SPAG16: variants seen among roughly 807,000 people sequenced by gnomAD.
The protein encoded by SPAG16 is sperm-associated antigen 16 protein.
Under a neutral mutation model 80.4 loss-of-function variants are expected in SPAG16, and 86 were observed. The observed-to-expected ratio is 1.07, with a 90% CI of 0.90 to 1.28. SPAG16 has a LOEUF of 1.28. Ranked by LOEUF, SPAG16 falls within the 50% of genes most tolerant of loss-of-function variation. SPAG16 has a pLI of 0.00. For synonymous variants in SPAG16, 294 were observed against 265.9 expected, an observed-to-expected ratio of 1.11 and a Z score of -1.03; for missense variants, 870 against 765.3, an observed-to-expected ratio of 1.14 and a Z score of -1.61.
At chr2:213,979,232 A>G (rs2045570697) in intron 12 of SPAG16, among the ~76,000 whole-genome samples, 1 of 151,814 alleles carries the variant, frequency 6.6e-6, no homozygotes, top group African/African-American at 2.4e-5. Context: ...CCAATTAGTC[A>G]TGTCTCTCTT....
At position 214,374,812 on chromosome 2, in the gene SPAG16, T is replaced by C. The variant is rs141562371; in HGVS notation, c.1721-35328T>C. Among the ~76,000 whole-genome samples, 354 of 152,256 alleles carry C rather than the reference T, an allele frequency of 2.3e-3. 2 individuals carry two copies. Among genetic ancestry groups the C allele is most frequent in the African/African-American group, 8.2e-3 (341 of 41,564 alleles). On this transcript the variant is annotated intron_variant, in intron 15 of 15. Coordinates refer to ENST00000331683, the MANE Select transcript of SPAG16 (RefSeq NM_024532.5). ...GATTAACTAAAACATCACAAAATCA[T>C]TTAGCTCATTAGATGGTTTTTAATA...
rs1490897523 is a variant in SPAG16, at chr2:214,013,969, T to G, written c.1419T>G (p.Thr473=). The G allele has an allele frequency of 6.2e-7, 1 of 1,613,318 alleles. No individual in the cohort carries two copies. The highest frequency in any genetic ancestry group is 1.7e-4 in the Middle Eastern group (1 of 6,050). Residue 473 remains threonine, a synonymous_variant, in exon 13 of 16, where the codon ACT becomes ACG. Coordinates refer to ENST00000331683, the MANE Select transcript of SPAG16 (RefSeq NM_024532.5). ...WDVNSERCRC[T]LYGHTDSVNS... is the part of the protein sequence containing the mutation. ...TTTATAGTGAAAGATGCAGATGTAC[T>G]TTGTATGGACATACAGATTCTGTGA...
intron 13 of SPAG16, among the ~76,000 whole-genome samples, chr2:214,107,306 G>C (rs934796993): frequency 6.6e-5 from 10 of 152,264 alleles, no homozygotes; most frequent in African/African-American, 2.2e-4. Flanking sequence ...ACCTAGAATT[G>C]TGCCGACAAA....
At chr2:214,327,635 C>T (rs893832527) in intron 15 of SPAG16, among the ~76,000 whole-genome samples, 1 of 151,856 alleles carries the variant, frequency 6.6e-6, no homozygotes, top group Non-Finnish European at 1.5e-5. Context: ...TTTTTAAGTG[C>T]AATTCAAACT....
intron 10 of SPAG16, among the ~76,000 whole-genome samples, chr2:213,725,428 T>C (rs973194032): frequency 6.6e-6 from 1 of 152,304 alleles, no homozygotes; most frequent in Non-Finnish European, 1.5e-5. Flanking sequence ...AAATTCATCA[T>C]CATGGAATGC....
At chr2:213,797,051 TA>T (rs71063780) in intron 10 of SPAG16, among the ~76,000 whole-genome samples, 90,486 of 149,084 alleles carry the variant, frequency 0.61, 29,266 homozygotes, top group South Asian at 0.86. Context: ...AAATTAAAAT[TA>T]AAAAAAAAAA....
chr2:213,439,303 G>T (rs551032350), intron 9 of SPAG16, among the ~76,000 whole-genome samples: 7 of 152,324 alleles, frequency 4.6e-5, no homozygotes, highest in African/African-American at 1.4e-4. Context: ...TTTGGAACCA[G>T]GCAGTCTGTG....
chr2:213,381,560 A>G (rs2067173559), intron 9 of SPAG16, among the ~76,000 whole-genome samples: 1 of 152,190 alleles, frequency 6.6e-6, no homozygotes, highest in African/African-American at 2.4e-5. Flanking sequence ...TTCATCTTTA[A>G]CACAAGGCTA....
At chr2:214,392,680 G>C (rs1476897404) in intron 15 of SPAG16, among the ~76,000 whole-genome samples, 1 of 133,572 alleles carries the variant, frequency 7.5e-6, no homozygotes, top group African/African-American at 2.8e-5. Context: ...CAGGTAGATA[G>C]AAAACCAACC....
At chr2:214,337,171 A>AT (rs1697355365) in intron 15 of SPAG16, among the ~76,000 whole-genome samples, 2 of 151,914 alleles carry the variant, frequency 1.3e-5, no homozygotes, top group African/African-American at 2.4e-5. Context: ...GTCCAAACTA[A>AT]TTTTTTCTCT....
intron 9 of SPAG16, among the ~76,000 whole-genome samples, chr2:213,375,806 T>A (rs967616128): frequency 3.3e-5 from 5 of 151,840 alleles, no homozygotes; most frequent in African/African-American, 1.2e-4. Flanking sequence ...TTATAATAGC[T>A]TCTTAGTAAT....
intron 15 of SPAG16, among the ~76,000 whole-genome samples, chr2:214,268,329 G>A (rs545254332): frequency 6.6e-6 from 1 of 151,980 alleles, no homozygotes; most frequent in South Asian, 2.1e-4. Context: ...AAATCAGTAT[G>A]TTGAAGAGTT....
intron 15 of SPAG16, among the ~76,000 whole-genome samples, chr2:214,198,012 AAATC>A (rs2057896150): frequency 6.6e-6 from 1 of 152,100 alleles, no homozygotes. Context: ...CTCCACAAAT[AAATC>A]GTGTATAATC....
intron 12 of SPAG16, among the ~76,000 whole-genome samples, chr2:213,935,236 G>A (rs2078939586): frequency 6.7e-6 from 1 of 148,686 alleles, no homozygotes; most frequent in Non-Finnish European, 1.5e-5. Context: ...CTTCTATTTG[G>A]TTTGAGACAT....
At chr2:214,179,730 C>T (rs1559109833) in intron 15 of SPAG16, among the ~76,000 whole-genome samples, 1 of 151,324 alleles carries the variant, frequency 6.6e-6, no homozygotes, top group African/African-American at 2.4e-5. Flanking sequence ...AATAACTATC[C>T]AAAAATATTT....
intron 12 of SPAG16, among the ~76,000 whole-genome samples, chr2:213,932,147 CAT>C (rs61264162): frequency 0.014 from 420 of 30,284 alleles, 1 homozygote; most frequent in Non-Finnish European, 0.019. Context: ...CTTGATACTG[CAT>C]ATATATATAT....
At chr2:213,901,354 C>G (rs1423392685) in intron 11 of SPAG16, among the ~76,000 whole-genome samples, 2 of 152,042 alleles carry the variant, frequency 1.3e-5, no homozygotes, top group Admixed American at 6.6e-5. Context: ...ATTATTTTTG[C>G]TAGTAAGGCC....
At chr2:213,479,462 T>C (rs1215013044) in intron 9 of SPAG16, among the ~76,000 whole-genome samples, 1 of 151,396 alleles carries the variant, frequency 6.6e-6, no homozygotes, top group Non-Finnish European at 1.5e-5. Context: ...ATCTTTTTGT[T>C]TGTGTGTGTG....
chr2:213,938,337 T>TA (rs936889857), intron 12 of SPAG16, among the ~76,000 whole-genome samples: 3 of 151,868 alleles, frequency 2.0e-5, no homozygotes, highest in Admixed American at 6.6e-5. Context: ...CCATCTGAGG[T>TA]AAAAAATGAA....
Sources: allele counts gnomAD v4.1 joint callset (sites outside exome capture counted in the v4.1 genomes callset), GRCh38; gene constraint gnomAD v4.1.1; transcripts MANE v1.5; gene names NCBI Gene and HGNC (gene_info 2026-07-23, HGNC 2026-07-21).